Variants in TNFSF11 observed in about 807,000 individuals in gnomAD.
TNFSF11 encodes TNF superfamily member 11.
TNFSF11 carries 12 observed loss-of-function variants against 32.2 expected under a neutral mutation model. The ratio of observed to expected loss-of-function variants is 0.37; its 90% CI spans 0.24 to 0.60. The LOEUF (loss-of-function observed/expected upper bound fraction) is 0.60, where lower values mean the gene tolerates loss of function less well. Ranked by LOEUF, TNFSF11 falls within the 20% of genes least tolerant of loss-of-function variation. TNFSF11 has a pLI of 0.66. For missense variants in TNFSF11, 345 were observed against 398.0 expected (o/e 0.87, Z 1.13); for synonymous variants, 172 against 152.1 (o/e 1.13, Z -0.96).
chr13:42,605,353 G>A (rs539950655), intron 4 of TNFSF11, among the ~76,000 whole-genome samples: 13 of 152,170 alleles, frequency 8.5e-5, no homozygotes, highest in South Asian at 2.1e-4. Context: ...TTTAGTATAA[G>A]TATTTACAAA....
intron 2 of TNFSF11, among the ~76,000 whole-genome samples, chr13:42,567,415 A>G (rs1182682906): frequency 6.6e-6 from 1 of 152,222 alleles, no homozygotes; most frequent in Non-Finnish European, 1.5e-5. Flanking sequence ...ACAGTTATGG[A>G]CAGGTTTACT....
rs556144088 is a variant in TNFSF11 at position 42,591,077 on chromosome 13, G to T, written c.388-9675G>T. 2.0e-5 allele frequency among the ~76,000 whole-genome samples: 3 copies of T among 152,266 alleles called. No homozygotes were observed. The East Asian group carries it at 5.8e-4, about 29-fold the overall frequency. ...ACATCTTGGTAAAGTTTTTCACTGA[G>T]AATTTTCACTGATGGGCATGGGATG... On this transcript the variant is annotated intron_variant, in intron 2 of 4. Coordinates refer to ENST00000398795, the MANE Select transcript of TNFSF11 (RefSeq NM_003701.4).
chr13:42,583,417 TAA>T (rs71747752), intron 2 of TNFSF11, among the ~76,000 whole-genome samples: 5 of 24,642 alleles, frequency 2.0e-4, no homozygotes, highest in South Asian at 2.5e-3. Context: ...AAGACCCTGC[TAA>T]AAAAAAAAAA....
At chr13:42,578,340 G>C (rs2137860278) in intron 1 of TNFSF11, among the ~76,000 whole-genome samples, 1 of 152,198 alleles carries the variant, frequency 6.6e-6, no homozygotes, top group East Asian at 1.9e-4. Context: ...CTGCTCTGCA[G>C]TTCCTTCAGC....
rs375146801 is a variant in TNFSF11, at chr13:42,564,268, T to C, written c.-302+1305T>C. ...TTTTCTTTACTATATGTAAAAGAAT[T>C]ATTTAAAAATTATTGTAGGCTGGGC... On this transcript the variant is annotated intron_variant, in intron 1 of 6. Coordinates refer to the TNFSF11 transcript ENST00000358545. Among the ~76,000 whole-genome samples the C allele has an allele frequency of 6.6e-5, 10 of 152,316 alleles. No individual in the cohort carries two copies. In the South Asian group the frequency reaches 1.7e-3, roughly 25 times the overall value.
chr13:42,581,907 C>A (rs946824446), intron 2 of TNFSF11, among the ~76,000 whole-genome samples: 5 of 152,196 alleles, frequency 3.3e-5, no homozygotes, highest in Admixed American at 1.3e-4. Context: ...ACACCGACAG[C>A]CCCAGTTGGG....
chr13:42,598,117 G>T (rs1868922116), intron 2 of TNFSF11, among the ~76,000 whole-genome samples: 1 of 152,086 alleles, frequency 6.6e-6, no homozygotes, highest in African/African-American at 2.4e-5. Context: ...AAAGTACTAG[G>T]ATTACAAGCA....
chr13:42,581,217 T>A lies in TNFSF11; in HGVS notation c.311T>A (p.Leu104Gln), dbSNP rs754708478. 3.8e-5 allele frequency: 61 copies of A among 1,613,950 alleles called. No homozygotes were observed. The highest frequency in any genetic ancestry group is 1.7e-6 in the Non-Finnish European group (2 of 1,179,966). Residue 104 changes from leucine (L) to glutamine (Q), a missense_variant, in exon 2 of 5, where the codon CTG becomes CAG. Leu to Gln is a moderately radical substitution (Grantham distance 113). This residue lies in a region of TNFSF11 where 197 missense variants were observed against 182.0 expected (regional missense o/e 1.08). Transcript: ENST00000398795. ...AATGCAGATTTTCAAGACACAACTC[T>A]GGAGAGTCAAGATACAAAATTAATA... ...HENADFQDTT[L>Q]ESQDTKLIPD...
chr13:42,604,872 C>T (rs1869368478), intron 4 of TNFSF11, among the ~76,000 whole-genome samples: 1 of 152,196 alleles, frequency 6.6e-6, no homozygotes, highest in South Asian at 2.1e-4. Flanking sequence ...CAACCTCCAC[C>T]TCCTGGATTC....
intron 2 of TNFSF11, among the ~76,000 whole-genome samples, chr13:42,597,698 A>G (rs1306271854): frequency 6.6e-6 from 1 of 152,080 alleles, no homozygotes; most frequent in Non-Finnish European, 1.5e-5. Context: ...CTCAGGCCCC[A>G]CCCCAAATCT....
At position 42,606,676 on chromosome 13, in the gene TNFSF11, C is replaced by T. The variant is rs927158919; in HGVS notation, c.712C>T (p.Leu238=). 7 of 1,614,122 alleles carry T rather than the reference C, an allele frequency of 4.3e-6. No homozygotes were observed. Among genetic ancestry groups the T allele is most frequent in the Non-Finnish European group, 3.4e-6 (4 of 1,180,056 alleles). ...SGDLATEYLQ[L]MVYVTKTSIK... Reference sequence around the variant, plus strand: ...AGACCTAGCTACAGAGTATCTTCAACTAATGGTGTACGTCACTAAAACCAG... The same window carrying T: ...AGACCTAGCTACAGAGTATCTTCAATTAATGGTGTACGTCACTAAAACCAG... The change falls in exon 5 of 5, where the codon CTA becomes TTA. Residue 238 remains leucine, a synonymous_variant. Transcript: ENST00000398795.
chr13:42,565,943 G>C (rs1328774462), intron 1 of TNFSF11, among the ~76,000 whole-genome samples: 1 of 152,152 alleles, frequency 6.6e-6, no homozygotes, highest in Non-Finnish European at 1.5e-5. Flanking sequence ...GGCAGCACAG[G>C]CTTATTTCTT....
chr13:42,567,082 G>C (rs1254948099), intron 2 of TNFSF11, among the ~76,000 whole-genome samples: 1 of 152,016 alleles, frequency 6.6e-6, no homozygotes, highest in East Asian at 1.9e-4. Context: ...AAAAATAAGA[G>C]TTTCAAAGAA....
intron 2 of TNFSF11, among the ~76,000 whole-genome samples, chr13:42,569,058 C>T (rs892322511): frequency 5.3e-5 from 8 of 152,252 alleles, no homozygotes; most frequent in Non-Finnish European, 1.0e-4. Flanking sequence ...AAAGTGGGTT[C>T]GCTTTCCCAC....
At chr13:42,569,603 G>A (rs1872990199), upstream of TNFSF11, among the ~76,000 whole-genome samples, 1 of 151,610 alleles carries the variant, frequency 6.6e-6, no homozygotes. Flanking sequence ...AGAGAGATTA[G>A]AGTTAGAGTC....
chr13:42,569,357 G>A (rs1260934103), upstream of TNFSF11, among the ~76,000 whole-genome samples: 1 of 152,008 alleles, frequency 6.6e-6, no homozygotes, highest in African/African-American at 2.4e-5. Context: ...GACCATCCTG[G>A]CTAACACGGT....
In TNFSF11 at chr13:42,588,186, G is replaced by A. The variant is rs374632175; in HGVS notation, c.387+6893G>A. Among the ~76,000 whole-genome samples, 46 of 152,322 alleles carry A rather than the reference G, an allele frequency of 3.0e-4. 1 individual carries two copies. The East Asian group carries it at 5.6e-3, about 19-fold the overall frequency. ...TAGCGTTTATAAAAGCTGTCTTTAT[G>A]GGAAAGCTGAAGTAAGACCCACAGA... On this transcript the variant is annotated intron_variant, in intron 2 of 4. Transcript: ENST00000398795.
chr13:42,606,731 T>C lies in TNFSF11; in HGVS notation c.767T>C (p.Met256Thr), dbSNP rs1566391542. ...AAAATCCCAAGTTCTCATACCCTGA[T>C]GAAAGGAGGAAGCACCAAGTATTGG... ...SIKIPSSHTL[M>T]KGGSTKYWSG... is the part of the protein sequence containing the mutation. The change falls in exon 5 of 5, where the codon ATG (methionine) becomes ACG (threonine). Residue 256 changes from methionine (M) to threonine (T), a missense_variant. Transcript: ENST00000398795. 6.2e-7 allele frequency: 1 copy of C among 1,614,188 alleles called. No homozygotes were observed. The highest frequency in any genetic ancestry group is 8.5e-7 in the Non-Finnish European group (1 of 1,180,040).
rs555449873 is a variant in TNFSF11 at position 42,584,878 on chromosome 13, T to C, written c.387+3585T>C. Among the ~76,000 whole-genome samples, 15 of 152,354 alleles carry C rather than the reference T, an allele frequency of 9.8e-5. No individual in the cohort carries two copies. In the South Asian group the frequency reaches 2.9e-3, roughly 29 times the overall value. ...ATAATATCAGACACAAGTAATCCTT[T>C]TTAAAGAATTATAAATTAAAGCTGT... On this transcript the variant is annotated intron_variant, in intron 2 of 4. Transcript: ENST00000398795.
Sources: allele counts gnomAD v4.1 joint callset (sites outside exome capture counted in the v4.1 genomes callset), GRCh38; gene constraint gnomAD v4.1.1; regional missense constraint gnomAD v4.1.1; transcripts MANE v1.5; gene names NCBI Gene and HGNC (gene_info 2026-07-23, HGNC 2026-07-21).